The following RARG variants were observed in gnomAD, a reference collection of about 807,000 sequenced individuals.
RARG encodes RAR-gamma.
RARG carries 17 observed loss-of-function variants against 43.7 expected under a neutral mutation model. That is an observed-to-expected ratio of 0.39 (90% CI 0.27 to 0.58). The LOEUF is 0.58. Among genes scored for constraint, RARG ranks in the 20% least tolerant of loss-of-function variants. The pLI is 0.57. For synonymous variants in RARG, 238 were observed against 236.4 expected (o/e 1.01, Z -0.06); for missense variants, 346 against 598.7 (o/e 0.58, Z 4.40).
chr12:53,211,984 C>G lies in RARG; in HGVS notation c.1178-121G>C. The G allele has an allele frequency of 1.5e-6, 1 of 647,672 alleles. No homozygotes were observed. The highest frequency in any genetic ancestry group is 2.3e-6 in the Non-Finnish European group (1 of 443,086). 40.1% of individuals were successfully genotyped at this position (647,672 alleles called of 1,614,324 possible). The stretch of plus-strand genomic sequence containing the variant: ...CTAGGGGGCGCCCAGCACAGGCCCA[C>G]CACCTCTCCGTCCCCAGCTCATCCT... On this transcript the variant is annotated intron_variant, in intron 9 of 9. Transcript: ENST00000425354. The surrounding 1 kb of genome is among the most constrained non-coding windows in gnomAD (Gnocchi z 4.6).
At chr12:53,220,337 A>C (rs1384967453) in intron 3 of RARG, 102 of 1,294,288 alleles carry the variant, frequency 7.9e-5, no homozygotes, top group Non-Finnish European at 9.0e-5. Flanking sequence ...TCCAGCTCTT[A>C]TCTGGGTGCT....
chr12:53,218,589 AC>A (rs1942844271), intron 3 of RARG, among the ~76,000 whole-genome samples: 1 of 150,294 alleles, frequency 6.7e-6, no homozygotes, highest in Admixed American at 6.6e-5. Flanking sequence ...TTCTTCCCCC[AC>A]CCCACCCAAA....
At chr12:53,230,342 GGT>G (rs1195114614) in intron 2 of RARG, among the ~76,000 whole-genome samples, 1 of 151,858 alleles carries the variant, frequency 6.6e-6, no homozygotes, top group East Asian at 1.9e-4. Flanking sequence ...GATGGAGGGG[GGT>G]GTGTTTCCCT....
Position 53,211,994 on chromosome 12 carries a change from G to A in RARG, c.1178-131C>T, listed in dbSNP as rs560242536. On this transcript the variant is annotated intron_variant, in intron 9 of 9. Transcript: ENST00000425354. The surrounding 1 kb of genome is among the most constrained non-coding windows in gnomAD (Gnocchi z 4.6). ...CCCAGCACAGGCCCACCACCTCTCC[G>A]TCCCCAGCTCATCCTCTTCTCACTA... 2.3e-4 allele frequency: 131 copies of A among 567,130 alleles called. No homozygotes were observed. Among genetic ancestry groups the A allele is most frequent in the Admixed American group, 5.2e-4 (12 of 22,962 alleles). 35.1% of individuals were successfully genotyped at this position (567,130 alleles called of 1,614,324 possible).
chr12:53,225,680 G>T (rs10082919), intron 3 of RARG, among the ~76,000 whole-genome samples: 13,418 of 152,180 alleles, frequency 0.088, 880 homozygotes, highest in South Asian at 0.19. Flanking sequence ...CCTTCTCTTG[G>T]CCCCAGTTGA....
intron 3 of RARG, among the ~76,000 whole-genome samples, chr12:53,221,207 G>C (rs1452945784): frequency 6.8e-6 from 1 of 146,168 alleles, no homozygotes; most frequent in Non-Finnish European, 1.5e-5. Flanking sequence ...CCTAGCCCGA[G>C]CAGTCCGCCC....
chr12:53,218,480 T>A (rs1323818489), intron 3 of RARG, among the ~76,000 whole-genome samples: 1 of 151,644 alleles, frequency 6.6e-6, no homozygotes, highest in Non-Finnish European at 1.5e-5. Flanking sequence ...CAACTCCCCA[T>A]CCTATTGGGC....
Position 53,213,140 on chromosome 12 carries a change from G to A in RARG, c.1122C>T (p.Tyr374=), listed in dbSNP as rs147454716. ...YARRRRPSQP[Y]MFPRMLMKIT... is the part of the protein sequence containing the mutation. Reference sequence around the variant, plus strand: ...TTTTCATTAGCATCCTTGGGAACATGTAGGGCTGGCTGGGCCGCCGGCGCC... The same window carrying A: ...TTTTCATTAGCATCCTTGGGAACATATAGGGCTGGCTGGGCCGCCGGCGCC... Residue 374 remains tyrosine, a synonymous_variant, in exon 9 of 10, where the codon TAC becomes TAT. Transcript: ENST00000425354. This position sits in a 1 kb window ranked among gnomAD's most constrained non-coding sequence, Gnocchi z 4.7. 1.0e-4 allele frequency: 166 copies of A among 1,614,114 alleles called. No individual in the cohort carries two copies. The highest frequency in any genetic ancestry group is 1.4e-4 in the Non-Finnish European group (160 of 1,180,056).
At chr12:53,223,429 G>A (rs1300431951) in intron 3 of RARG, among the ~76,000 whole-genome samples, 2 of 151,270 alleles carry the variant, frequency 1.3e-5, no homozygotes, top group Non-Finnish European at 3.0e-5. Context: ...GATGTGAGGC[G>A]CGTTGGGCAG....
chr12:53,214,784 C>T (rs1942711905), intron 5 of RARG, 178 bp from the exon 6 acceptor site: 2 of 663,612 alleles, frequency 3.0e-6, no homozygotes, highest in Non-Finnish European at 2.4e-6. Flanking sequence ...GCTGGTTCTC[C>T]CCAGCCCCAC....
chr12:53,231,082 G>A (rs963874071), intron 2 of RARG, 87 bp downstream of exon 2: 1 of 152,206 alleles, frequency 6.6e-6, no homozygotes, highest in African/African-American at 2.4e-5. Flanking sequence ...CCCTAAAGCG[G>A]GACAGTCATC....
In RARG at chr12:53,215,692, T is replaced by C. The variant is rs1942740409; in HGVS notation, c.287A>G (p.Lys96Arg). The C allele has an allele frequency of 1.2e-6, 2 of 1,613,704 alleles. No individual in the cohort carries two copies. Among genetic ancestry groups the C allele is most frequent in the African/African-American group, 1.3e-5 (1 of 74,898 alleles). ...GACCCCATAGTGGTAGCCAGAGGAC[T>C]TGTCATTGCACACGAAGCATGGCTT... is the stretch of plus-strand genomic sequence containing the variant. The part of the protein sequence containing the change: ...VYKPCFVCND[K>R]SSGYHYGVSS... Residue 96 changes from lysine to arginine, a missense_variant, in exon 4 of 10, where the codon AAG (lysine) becomes AGG (arginine). By Grantham distance (26) the Lys-to-Arg change is conservative (BLOSUM62 2). This residue lies in a region of RARG where 50 missense variants were observed against 117.7 expected (regional missense o/e 0.42). Coordinates refer to ENST00000425354, the MANE Select transcript of RARG (RefSeq NM_000966.6). The surrounding 1 kb of genome is among the most constrained non-coding windows in gnomAD (Gnocchi z 6.4).
chr12:53,212,767 CACACACACACACAT>C, intron 9 of RARG, among the ~76,000 whole-genome samples: 1 of 150,620 alleles, frequency 6.6e-6, no homozygotes, highest in Non-Finnish European at 1.5e-5. Flanking sequence ...CACACACACA[CACACACACACACAT>C]ACTTGGAATT....
In RARG at chr12:53,213,551, C is replaced by T; in HGVS notation, c.963G>A (p.Leu321=). The T allele has an allele frequency of 6.2e-7, 1 of 1,614,046 alleles. No individual in the cohort carries two copies. Among genetic ancestry groups the T allele is most frequent in the South Asian group, 1.1e-5 (1 of 91,070 alleles). ...GCCCTGTCTCGGTGTCATCCATCTC[C>T]AGGGGCAGGAGCTGCCCAGCAAAGG... ...VFAFAGQLLP[L]EMDDTETGLL... Residue 321 remains leucine (L), a synonymous_variant, in exon 8 of 10, where the codon CTG becomes CTA. Transcript: ENST00000425354. This position sits in a 1 kb window ranked among gnomAD's most constrained non-coding sequence, Gnocchi z 4.7.
At chr12:53,222,255 AAAG>A (rs1186024610) in intron 3 of RARG, among the ~76,000 whole-genome samples, 1 of 151,298 alleles carries the variant, frequency 6.6e-6, no homozygotes, top group Non-Finnish European at 1.5e-5. Flanking sequence ...AAAGAGAAAG[AAAG>A]AAGAAAGAAA....
chr12:53,231,530 T>G (rs1943236221), intron 1 of RARG: 2 of 152,328 alleles, frequency 1.3e-5, no homozygotes, highest in Admixed American at 1.3e-4. Flanking sequence ...TGCCTTCTGA[T>G]GTCCAAGCTG....
chr12:53,214,565 C>T lies in RARG; in HGVS notation c.517G>A (p.Glu173Lys), dbSNP rs758257136. ...TCATAGCTGTCAGGTGACCCTTCTT[C>T]CTTCACCTCTTTCTTCTTCTTGTTC... ...DRNKKKKEVKEEGSPDSYELS... is the reference protein window; with the variant it reads ...DRNKKKKEVKKEGSPDSYELS... Residue 173 changes from glutamate to lysine, a missense_variant, in exon 6 of 10, where the codon GAA (glutamate) becomes AAA (lysine). Transcript: ENST00000425354. The T allele has an allele frequency of 2.5e-6, 4 of 1,610,774 alleles. No individual in the cohort carries two copies. Among genetic ancestry groups the T allele is most frequent in the East Asian group, 2.2e-5 (1 of 44,726 alleles).
At position 53,221,903 on chromosome 12, in the gene RARG, A is replaced by C. The variant is rs536889548; in HGVS notation, c.184+5459T>G. Among the ~76,000 whole-genome samples the C allele has an allele frequency of 2.0e-4, 31 of 151,482 alleles. No individual in the cohort carries two copies. The East Asian group carries it at 4.9e-3, about 24-fold the overall frequency. ...CAGGGCGGGGCGCGCTTTTCTAAGA[A>C]TCTGTTGTACCGGGTGGGGGGCGCA... On this transcript the variant is annotated intron_variant, in intron 3 of 9. Coordinates refer to ENST00000425354, the MANE Select transcript of RARG (RefSeq NM_000966.6).
intron 3 of RARG, among the ~76,000 whole-genome samples, chr12:53,216,638 G>A (rs1207280594): frequency 6.6e-6 from 1 of 152,164 alleles, no homozygotes; most frequent in East Asian, 1.9e-4. Flanking sequence ...CGTTGGAGGT[G>A]TAGCAAACTG....
Sources: gnomAD v4.1 joint callset for allele counts (sites outside exome capture counted in the v4.1 genomes callset) on GRCh38, gnomAD v4.1.1 for gene constraint, gnomAD v4.1.1 regional missense constraint, Gnocchi (gnomAD v3.1) non-coding constraint, MANE v1.5 for transcripts, NCBI Gene and HGNC (gene_info 2026-07-23, HGNC 2026-07-21) for gene names.